Variants in HIPK2 observed in about 807,000 individuals in gnomAD.
HIPK2 encodes homeodomain interacting protein kinase 2, also known as homeodomain-interacting protein kinase 2.
Under a neutral mutation model 113.7 loss-of-function variants are expected in HIPK2, and 27 were observed. That is an observed-to-expected ratio of 0.24 (90% CI 0.17 to 0.33). The LOEUF is 0.33. Ranked by LOEUF, HIPK2 falls within the 10% of genes least tolerant of loss-of-function variation. The pLI is 1.00. For synonymous variants in HIPK2, 631 were observed against 642.2 expected (o/e 0.98, Z 0.26); for missense variants, 1,257 against 1,588.0 (o/e 0.79, Z 3.54).
At chr7:139,580,261 G>A (rs1798625271) in intron 13 of HIPK2, among the ~76,000 whole-genome samples, 1 of 152,140 alleles carries the variant, frequency 6.6e-6, no homozygotes, top group African/African-American at 2.4e-5. Flanking sequence ...GAAACACTGA[G>A]CTCGAGGGAT....
Position 139,596,997 on chromosome 7 carries a change from T to C in HIPK2, c.2437A>G (p.Asn813Asp). 1 of 1,587,802 alleles carries C rather than the reference T, an allele frequency of 6.3e-7. No individual in the cohort carries two copies. Among genetic ancestry groups the C allele is most frequent in the East Asian group, 2.3e-5 (1 of 44,162 alleles). The part of the protein sequence containing the change: ...KSKQHQSSVR[N>D]VSTCEVSSSQ... ...GAGGACACCTCACAGGTGGAGACAT[T>C]TCTGTAATGAGAAAACCACACTCTC... The change falls in exon 12 of 15, where the codon AAT becomes GAT. Residue 813 changes from asparagine to aspartate, a missense_variant and splice_region_variant. Transcript: ENST00000406875.
chr7:139,576,715 G>A (rs139578577), intron 13 of HIPK2, among the ~76,000 whole-genome samples: 398 of 152,366 alleles, frequency 2.6e-3, no homozygotes, highest in Middle Eastern at 0.014. Flanking sequence ...CGAGGCCAGA[G>A]GATAAACCAG....
At chr7:139,624,404 G>A (rs1157644934) in intron 6 of HIPK2, among the ~76,000 whole-genome samples, 3 of 152,032 alleles carry the variant, frequency 2.0e-5, no homozygotes, top group Non-Finnish European at 4.4e-5. Context: ...TCCCTGCCTC[G>A]CTAGGAAGGC....
At chr7:139,728,299 G>C (rs1253689165) in intron 1 of HIPK2, among the ~76,000 whole-genome samples, 1 of 152,136 alleles carries the variant, frequency 6.6e-6, no homozygotes, top group Non-Finnish European at 1.5e-5. Context: ...CATAGCATAT[G>C]AATCTGCCAG....
intron 1 of HIPK2, among the ~76,000 whole-genome samples, chr7:139,750,543 T>C (rs768228639): frequency 1.3e-5 from 2 of 152,260 alleles, no homozygotes; most frequent in African/African-American, 4.8e-5. Flanking sequence ...GGTTGTCTGA[T>C]AGGCACGTAG....
intron 1 of HIPK2, among the ~76,000 whole-genome samples, chr7:139,746,826 C>T (rs1010554473): frequency 6.6e-6 from 1 of 152,064 alleles, no homozygotes; most frequent in African/African-American, 2.4e-5. Flanking sequence ...TCCAGTCGGC[C>T]AAGGTGACGT....
chr7:139,705,922 A>G (rs962365026), intron 2 of HIPK2, among the ~76,000 whole-genome samples: 3 of 152,068 alleles, frequency 2.0e-5, no homozygotes, highest in African/African-American at 7.2e-5. Context: ...TACTCTCTCC[A>G]GGAAGGCTTT....
At chr7:139,611,482 G>A (rs1799817886) in intron 9 of HIPK2, among the ~76,000 whole-genome samples, 1 of 151,984 alleles carries the variant, frequency 6.6e-6, no homozygotes, top group South Asian at 2.1e-4. Flanking sequence ...GATACAGAAA[G>A]AACATTTGAT....
chr7:139,749,248 G>T (rs1286096566), intron 1 of HIPK2, among the ~76,000 whole-genome samples: 1 of 152,248 alleles, frequency 6.6e-6, no homozygotes, highest in Non-Finnish European at 1.5e-5. Flanking sequence ...AAGCTCATCA[G>T]ACGTGATTGT....
intron 6 of HIPK2, among the ~76,000 whole-genome samples, chr7:139,623,121 A>T (rs961890318): frequency 6.6e-6 from 1 of 152,176 alleles, no homozygotes; most frequent in Non-Finnish European, 1.5e-5. Flanking sequence ...GACTGAAATC[A>T]TGGGAGCCCT....
chr7:139,749,982 T>C (rs1052117444), intron 1 of HIPK2, among the ~76,000 whole-genome samples: 1 of 152,192 alleles, frequency 6.6e-6, no homozygotes, highest in South Asian at 2.1e-4. Context: ...TCCTGACAGC[T>C]GGGAGAACAT....
chr7:139,619,934 G>A (rs1045907560), intron 7 of HIPK2, among the ~76,000 whole-genome samples: 3 of 152,102 alleles, frequency 2.0e-5, no homozygotes, highest in Non-Finnish European at 4.4e-5. Flanking sequence ...CTAATTTTTT[G>A]TATTTTCTGT....
intron 2 of HIPK2, among the ~76,000 whole-genome samples, chr7:139,689,501 A>G (rs560226236): frequency 6.6e-6 from 1 of 152,354 alleles, no homozygotes; most frequent in East Asian, 1.9e-4. Context: ...CATCATTTAT[A>G]TGTATTAGCT....
chr7:139,674,142 T>C (rs1310538960), intron 2 of HIPK2, among the ~76,000 whole-genome samples: 2 of 151,940 alleles, frequency 1.3e-5, no homozygotes, highest in Non-Finnish European at 2.9e-5. Context: ...TTAAGATTAA[T>C]ATATAAAAAA....
At chr7:139,709,622 C>T (rs766592682) in intron 2 of HIPK2, among the ~76,000 whole-genome samples, 5 of 152,164 alleles carry the variant, frequency 3.3e-5, no homozygotes, top group Admixed American at 2.0e-4. Context: ...TCTGGCCAAC[C>T]GCCTCATAAA....
chr7:139,635,970 C>T (rs1444236972), intron 2 of HIPK2, among the ~76,000 whole-genome samples: 2 of 152,250 alleles, frequency 1.3e-5, no homozygotes, highest in Non-Finnish European at 2.9e-5. Flanking sequence ...AAGGCCCACT[C>T]TCTGGAGAGA....
intron 2 of HIPK2, among the ~76,000 whole-genome samples, chr7:139,643,609 T>A (rs528385842): frequency 1.3e-5 from 2 of 152,262 alleles, no homozygotes; most frequent in South Asian, 4.2e-4. Flanking sequence ...GCCTCTAAAT[T>A]TGTGGTTATG....
intron 7 of HIPK2, among the ~76,000 whole-genome samples, chr7:139,617,279 C>A (rs1348735881): frequency 6.6e-6 from 1 of 152,174 alleles, no homozygotes; most frequent in Non-Finnish European, 1.5e-5. Context: ...GTTGCCCAGG[C>A]TGGACTTGAA....
intron 2 of HIPK2, among the ~76,000 whole-genome samples, chr7:139,661,201 C>T (rs1801857030): frequency 2.0e-5 from 3 of 152,226 alleles, no homozygotes; most frequent in Admixed American, 2.0e-4. Flanking sequence ...CTGGTATGAA[C>T]TGGCTCCAGC....
Sources: gnomAD v4.1 joint callset for allele counts (sites outside exome capture counted in the v4.1 genomes callset) on GRCh38, gnomAD v4.1.1 for gene constraint, MANE v1.5 for transcripts, NCBI Gene and HGNC (gene_info 2026-07-23, HGNC 2026-07-21) for gene names.